Variants in OPCML observed in about 807,000 individuals in gnomAD.
OPCML encodes opioid binding protein/cell adhesion molecule like.
Under a neutral mutation model 37.8 loss-of-function variants are expected in OPCML, and 13 were observed. That is an observed-to-expected ratio of 0.34 (90% confidence interval 0.22 to 0.55). The LOEUF is 0.55. Among genes scored for constraint, OPCML ranks in the 20% least tolerant of loss-of-function variants. The pLI, the probability that OPCML is intolerant of heterozygous loss-of-function variation, is 0.91. For missense variants in OPCML, 341 were observed against 435.6 expected, an observed-to-expected ratio of 0.78 and a Z score of 1.93; for synonymous variants, 176 against 168.8, an observed-to-expected ratio of 1.04 and a Z score of -0.33.
At chr11:133,148,202 A>ACTG (rs1949925087) in intron 1 of OPCML, among the ~76,000 whole-genome samples, 1 of 151,972 alleles carries the variant, frequency 6.6e-6, no homozygotes, top group Non-Finnish European at 1.5e-5. Context: ...CATTTCCTCT[A>ACTG]CTGCTCCTCA....
chr11:133,289,613 A>T (rs1414638775), intron 1 of OPCML, among the ~76,000 whole-genome samples: 1 of 151,838 alleles, frequency 6.6e-6, no homozygotes, highest in Non-Finnish European at 1.5e-5. Context: ...AAAAAAAAAA[A>T]AAAAATTGAC....
chr11:132,660,162 C>T (rs181405729), intron 2 of OPCML, among the ~76,000 whole-genome samples: 61 of 151,938 alleles, frequency 4.0e-4, no homozygotes, highest in Middle Eastern at 3.4e-3. Flanking sequence ...TTTTAAATGC[C>T]GTAGATAAAT....
intron 1 of OPCML, among the ~76,000 whole-genome samples, chr11:133,017,937 T>C (rs1170488920): frequency 6.6e-6 from 1 of 152,226 alleles, no homozygotes; most frequent in African/African-American, 2.4e-5. Flanking sequence ...TGGCACGGGT[T>C]GCAGCCCCCT....
At chr11:133,119,293 G>T (rs1053947579) in intron 1 of OPCML, among the ~76,000 whole-genome samples, 1 of 151,976 alleles carries the variant, frequency 6.6e-6, no homozygotes, top group African/African-American at 2.4e-5. Context: ...ACTTATCTAT[G>T]TATCTGTATA....
At chr11:133,082,208 C>T (rs1281881543) in intron 1 of OPCML, among the ~76,000 whole-genome samples, 1 of 151,662 alleles carries the variant, frequency 6.6e-6, no homozygotes, top group African/African-American at 2.4e-5. Flanking sequence ...AGGAGCCCCG[C>T]GTCCGCACGA....
chr11:133,445,592 A>G (rs1946457719), intron 1 of OPCML, among the ~76,000 whole-genome samples: 1 of 152,200 alleles, frequency 6.6e-6, no homozygotes, highest in Admixed American at 6.5e-5. Context: ...ACTAAGTTCT[A>G]TCATCACTTT....
At chr11:133,383,550 A>C (rs1944976890) in intron 1 of OPCML, among the ~76,000 whole-genome samples, 1 of 152,146 alleles carries the variant, frequency 6.6e-6, no homozygotes, top group South Asian at 2.1e-4. Flanking sequence ...TGTATCATAC[A>C]CAGTGCCCAT....
chr11:132,500,199 C>A (rs1161397992), intron 4 of OPCML, among the ~76,000 whole-genome samples: 5 of 152,104 alleles, frequency 3.3e-5, no homozygotes, highest in African/African-American at 1.2e-4. Flanking sequence ...TTATCAAGGC[C>A]CCCCTGCAAG....
At chr11:132,595,776 G>T (rs2096491510) in intron 3 of OPCML, among the ~76,000 whole-genome samples, 1 of 152,204 alleles carries the variant, frequency 6.6e-6, no homozygotes, top group Non-Finnish European at 1.5e-5. Context: ...AGAGGCATCA[G>T]CCATGGAAGT....
At chr11:133,006,727 C>T in intron 1 of OPCML, 1 of 985,444 alleles carries the variant, frequency 1.0e-6, no homozygotes. Flanking sequence ...CACCTTTCTG[C>T]ACTGTGAGGT....
rs560220615 is a variant in OPCML, at chr11:133,181,724, T to A, written c.62-238714A>T. Among the ~76,000 whole-genome samples, 44 of 152,266 alleles carry A rather than the reference T, an allele frequency of 2.9e-4. 1 individual carries two copies. The Middle Eastern group carries it at 0.02, about 71-fold the overall frequency. ...ATGCTGCCATCAGACAAATTACTAATCCATGTGCTCACATGTATGGTGAGG... is the reference window on the plus strand; with the variant it reads ...ATGCTGCCATCAGACAAATTACTAAACCATGTGCTCACATGTATGGTGAGG... On this transcript the variant is annotated intron_variant, in intron 1 of 7. Coordinates refer to ENST00000524381, the MANE Select transcript of OPCML (RefSeq NM_001012393.5).
At chr11:132,610,635 C>A (rs1452604526) in intron 3 of OPCML, among the ~76,000 whole-genome samples, 2 of 152,034 alleles carry the variant, frequency 1.3e-5, no homozygotes, top group African/African-American at 4.8e-5. Context: ...GCTCGATGGT[C>A]TTTGTCATTA....
At chr11:132,433,540 A>C (rs1432275891) in intron 7 of OPCML, among the ~76,000 whole-genome samples, 1 of 152,162 alleles carries the variant, frequency 6.6e-6, no homozygotes, top group Non-Finnish European at 1.5e-5. Context: ...TTGGGATGTG[A>C]AGGCTGAATT....
At chr11:132,848,625 G>A (rs1014648624) in intron 2 of OPCML, among the ~76,000 whole-genome samples, 1 of 152,152 alleles carries the variant, frequency 6.6e-6, no homozygotes. Flanking sequence ...GACCAAATTC[G>A]TATGCAGTTT....
At chr11:133,076,542 T>C (rs1184023838) in intron 1 of OPCML, among the ~76,000 whole-genome samples, 5 of 152,180 alleles carry the variant, frequency 3.3e-5, no homozygotes, top group Non-Finnish European at 7.3e-5. Flanking sequence ...GCTGTGAACG[T>C]CATGCAAACG....
At chr11:133,354,496 C>T (rs1944237544) in intron 1 of OPCML, among the ~76,000 whole-genome samples, 1 of 152,138 alleles carries the variant, frequency 6.6e-6, no homozygotes, top group African/African-American at 2.4e-5. Context: ...AATTCTGTAA[C>T]TTGCTTAACT....
intron 2 of OPCML, among the ~76,000 whole-genome samples, chr11:132,668,663 G>C (rs1004764247): frequency 6.6e-6 from 1 of 152,104 alleles, no homozygotes; most frequent in African/African-American, 2.4e-5. Context: ...GAATCCGTTC[G>C]CATATCCTTT....
chr11:132,627,251 T>A (rs1413934713), intron 3 of OPCML, among the ~76,000 whole-genome samples: 2 of 152,226 alleles, frequency 1.3e-5, no homozygotes, highest in African/African-American at 4.8e-5. Context: ...ATTTATTACA[T>A]TCACTAACCT....
chr11:133,100,205 A>C (rs1170223552), intron 1 of OPCML, among the ~76,000 whole-genome samples: 1 of 152,090 alleles, frequency 6.6e-6, no homozygotes, highest in East Asian at 1.9e-4. Context: ...TCAAAGTACT[A>C]CCTATCAGGT....
Sources: gnomAD v4.1 joint callset for allele counts (sites outside exome capture counted in the v4.1 genomes callset) on GRCh38, gnomAD v4.1.1 for gene constraint, MANE v1.5 for transcripts, NCBI Gene and HGNC (gene_info 2026-07-23, HGNC 2026-07-21) for gene names.